Variants in SULF2 observed in about 807,000 individuals in gnomAD.
SULF2 encodes extracellular sulfatase Sulf-2.
SULF2 carries 52 observed loss-of-function variants against 107.7 expected under a neutral mutation model. The ratio of observed to expected loss-of-function variants is 0.48; its 90% CI spans 0.39 to 0.61. The LOEUF is 0.61. Ranked by LOEUF, SULF2 falls within the 20% of genes least tolerant of loss-of-function variation. The pLI is 0.00. For synonymous variants in SULF2, 460 were observed against 464.3 expected, an observed-to-expected ratio of 0.99 and a Z score of 0.12; for missense variants, 993 against 1,177.3, an observed-to-expected ratio of 0.84 and a Z score of 2.29.
chr20:47,735,948 C>T (rs2089719598), intron 3 of SULF2, among the ~76,000 whole-genome samples: 1 of 152,220 alleles, frequency 6.6e-6, no homozygotes, highest in South Asian at 2.1e-4. Context: ...ATCTGAGCCA[C>T]AATATCTTGA....
chr20:47,658,086 G>A lies in SULF2; in HGVS notation c.*276C>T. On this transcript the variant is annotated 3_prime_UTR_variant, in exon 21 of 21. Transcript: ENST00000688720. ...TTCCTTTGTGAGCTTCTGGGGGAGG[G>A]TTAGTGGTGACTTTTTGATACGAAA... The A allele has an allele frequency of 2.0e-6, 1 of 506,672 alleles. No individual in the cohort carries two copies. The allele number at this position is 506,672 out of a possible 1,614,324, so 31.4% of individuals were successfully genotyped here. A position where few individuals can be genotyped will look rare whatever the true frequency, so the allele number is the denominator to read the frequency against.
chr20:47,687,609 A>C (rs2088052839), intron 5 of SULF2, among the ~76,000 whole-genome samples: 1 of 152,052 alleles, frequency 6.6e-6, no homozygotes, highest in South Asian at 2.1e-4. Flanking sequence ...GTCTGTGGGC[A>C]CGCCTGTGTG....
chr20:47,712,121 T>G (rs1304899383), intron 3 of SULF2, among the ~76,000 whole-genome samples: 1 of 152,234 alleles, frequency 6.6e-6, no homozygotes, highest in East Asian at 1.9e-4. Context: ...TTCACCTGTT[T>G]CCTTCTCACA....
intron 2 of SULF2, among the ~76,000 whole-genome samples, chr20:47,755,715 TG>T (rs1307047348): frequency 2.0e-5 from 3 of 152,156 alleles, no homozygotes; most frequent in African/African-American, 7.2e-5. Flanking sequence ...TCAAAAGAGC[TG>T]GGGGATCCTG....
At chr20:47,669,639 T>G (rs1336282094) in intron 11 of SULF2, among the ~76,000 whole-genome samples, 2 of 151,548 alleles carry the variant, frequency 1.3e-5, no homozygotes, top group African/African-American at 4.9e-5. Flanking sequence ...GGGGCTGGAG[T>G]CCCCAAATCA....
At chr20:47,784,808 C>T (rs988750975) in intron 1 of SULF2, among the ~76,000 whole-genome samples, 2 of 150,958 alleles carry the variant, frequency 1.3e-5, no homozygotes, top group Admixed American at 1.3e-4. Context: ...GATGGAAACT[C>T]GTTCTGCCCT....
intron 4 of SULF2, among the ~76,000 whole-genome samples, chr20:47,697,908 G>A (rs1264967678): frequency 6.6e-6 from 1 of 152,220 alleles, no homozygotes; most frequent in Non-Finnish European, 1.5e-5. Flanking sequence ...TAGAGAATCC[G>A]CCTGCACTGA....
intron 18 of SULF2, chr20:47,661,475 G>C (rs1229856188): frequency 8.6e-6 from 2 of 231,878 alleles, no homozygotes; most frequent in African/African-American, 2.3e-5. Flanking sequence ...GGTTTCAGGT[G>C]TAAGTTCTCA....
intron 3 of SULF2, among the ~76,000 whole-genome samples, chr20:47,731,120 C>A (rs972233195): frequency 6.7e-6 from 1 of 150,024 alleles, no homozygotes; most frequent in Non-Finnish European, 1.5e-5. Flanking sequence ...CCTCCAGCCT[C>A]GTGATATGAT....
intron 2 of SULF2, among the ~76,000 whole-genome samples, chr20:47,746,866 A>G (rs2090047070): frequency 6.6e-6 from 1 of 151,940 alleles, no homozygotes. Context: ...GGATAGCATT[A>G]GGAGATATAC....
In SULF2 at chr20:47,690,260, C is replaced by G. The variant is rs748740768; in HGVS notation, c.603G>C (p.Val201=). The part of the protein sequence containing the change: ...YLTDLITNDS[V]SFFRTSKKMY... Reference sequence around the variant, plus strand: ...TCTTCTTGGACGTGCGGAAGAAGCTCACGCTGTCATTGGTGATGAGGTCTG... The same window carrying G: ...TCTTCTTGGACGTGCGGAAGAAGCTGACGCTGTCATTGGTGATGAGGTCTG... The change falls in exon 5 of 21, where the codon GTG becomes GTC. Residue 201 remains valine (V), a synonymous_variant. Coordinates refer to ENST00000688720, the MANE Select transcript of SULF2 (RefSeq NM_001387048.1). 3 of 1,555,042 alleles carry G rather than the reference C, an allele frequency of 1.9e-6. No individual in the cohort carries two copies. The highest frequency in any genetic ancestry group is 2.6e-6 in the Non-Finnish European group (3 of 1,146,648).
chr20:47,745,076 C>T (rs887477295), intron 2 of SULF2, among the ~76,000 whole-genome samples: 3 of 151,838 alleles, frequency 2.0e-5, no homozygotes, highest in Non-Finnish European at 4.4e-5. Context: ...TGTGAACTGC[C>T]GTAAATCACT....
Position 47,658,303 on chromosome 20 carries a change from C to T in SULF2, c.*59G>A, listed in dbSNP as rs1341121199. ...GCTGGAAATCACCCACATGGTTTTT[C>T]ATTGCCTGTGCAGTCAGGTGATGCC... On this transcript the variant is annotated 3_prime_UTR_variant, in exon 21 of 21. Coordinates refer to ENST00000688720, the MANE Select transcript of SULF2 (RefSeq NM_001387048.1). 4.4e-6 allele frequency: 7 copies of T among 1,587,014 alleles called. No homozygotes were observed. Among genetic ancestry groups the T allele is most frequent in the African/African-American group, 1.3e-5 (1 of 74,416 alleles).
At chr20:47,716,510 GA>G (rs1010720016) in intron 3 of SULF2, among the ~76,000 whole-genome samples, 1 of 151,918 alleles carries the variant, frequency 6.6e-6, no homozygotes, top group African/African-American at 2.4e-5. Context: ...GTCTTGGGGA[GA>G]AAAAAAGATA....
rs779090599 is a variant in SULF2, at chr20:47,663,515, A to T, written c.2165T>A (p.Met722Lys). 6 of 1,612,700 alleles carry T rather than the reference A, an allele frequency of 3.7e-6. No homozygotes were observed. Among genetic ancestry groups the T allele is most frequent in the South Asian group, 1.1e-5 (1 of 91,088 alleles). Residue 722 changes from methionine to lysine, a missense_variant, in exon 16 of 21, where the codon ATG (methionine) becomes AAG (lysine). Coordinates refer to ENST00000688720, the MANE Select transcript of SULF2 (RefSeq NM_001387048.1). ...KRLQNNDTCS[M>K]PGLTCFTHDN... ...GTGGGTGAAGCACGTGAGGCCTGGCATGCTGCACGTGTCGTTGTTCTGCAG... is the reference window on the plus strand; with the variant it reads ...GTGGGTGAAGCACGTGAGGCCTGGCTTGCTGCACGTGTCGTTGTTCTGCAG...
chr20:47,659,498 AG>A, intron 19 of SULF2, 46 bp from the exon 20 acceptor site: 1 of 1,592,184 alleles, frequency 6.3e-7, no homozygotes, highest in Non-Finnish European at 8.6e-7. Context: ...ACCATCACCA[AG>A]AAAGAAAAAG....
At chr20:47,736,264 C>T (rs928714746) in intron 3 of SULF2, among the ~76,000 whole-genome samples, 6 of 152,270 alleles carry the variant, frequency 3.9e-5, no homozygotes, top group South Asian at 4.2e-4. Context: ...ACGTAGAAAG[C>T]GACCACACAG....
At chr20:47,751,464 T>C (rs2090156239) in intron 2 of SULF2, among the ~76,000 whole-genome samples, 1 of 152,172 alleles carries the variant, frequency 6.6e-6, no homozygotes, top group African/African-American at 2.4e-5. Flanking sequence ...AAGACTCAAT[T>C]TGGGTACTCT....
intron 11 of SULF2, among the ~76,000 whole-genome samples, chr20:47,670,685 G>C (rs1320579681): frequency 8.9e-5 from 5 of 55,922 alleles, no homozygotes; most frequent in Non-Finnish European, 1.7e-4. Context: ...CAGGGTGGGA[G>C]AGCGGGGTGG....
Sources: gnomAD v4.1 joint callset for allele counts (sites outside exome capture counted in the v4.1 genomes callset) on GRCh38, gnomAD v4.1.1 for gene constraint, MANE v1.5 for transcripts, NCBI Gene and HGNC (gene_info 2026-07-23, HGNC 2026-07-21) for gene names.